Variants in TRAPPC12 observed in about 807,000 individuals in gnomAD.
TRAPPC12 encodes trafficking protein particle complex subunit 12, also known as TPR repeat protein 15.
Under a neutral mutation model 69.2 loss-of-function variants are expected in TRAPPC12, and 61 were observed. The ratio of observed to expected loss-of-function variants is 0.88; its 90% CI spans 0.72 to 1.09. The LOEUF (loss-of-function observed/expected upper bound fraction) is 1.09. Ranked by LOEUF, TRAPPC12 falls within the 50% of genes least tolerant of loss-of-function variation. The probability of loss-of-function intolerance (pLI) is 0.00; values close to 1 mark genes in which losing one functional copy is unlikely to be tolerated. For synonymous variants in TRAPPC12, 469 were observed against 438.9 expected, an observed-to-expected ratio of 1.07 and a Z score of -0.86; for missense variants, 1,101 against 1,016.4, an observed-to-expected ratio of 1.08 and a Z score of -1.13.
chr2:3,417,559 T>C (rs1395655973), intron 3 of TRAPPC12, among the ~76,000 whole-genome samples: 3 of 152,196 alleles, frequency 2.0e-5, no homozygotes, highest in Admixed American at 1.3e-4. Context: ...TGCCCTGGCT[T>C]CTGGGACCTG....
intron 5 of TRAPPC12, among the ~76,000 whole-genome samples, chr2:3,428,889 C>G (rs1159249505): frequency 6.6e-6 from 1 of 152,160 alleles, no homozygotes; most frequent in Non-Finnish European, 1.5e-5. Flanking sequence ...ACCTGGGTGT[C>G]CTCTCTTGAT....
intron 5 of TRAPPC12, among the ~76,000 whole-genome samples, chr2:3,439,927 C>G (rs1487491620): frequency 6.6e-6 from 1 of 151,822 alleles, no homozygotes; most frequent in Non-Finnish European, 1.5e-5. Context: ...GTCCCAGCAC[C>G]ATTTTTGGAA....
chr2:3,386,923 G>A (rs1660520278), intron 1 of TRAPPC12, among the ~76,000 whole-genome samples: 1 of 152,186 alleles, frequency 6.6e-6, no homozygotes, highest in African/African-American at 2.4e-5. Context: ...CTTGTGCACT[G>A]TTGGTGGGAA....
chr2:3,443,588 T>C, intron 5 of TRAPPC12, 191 bp from the exon 6 acceptor site: 1 of 618,204 alleles, frequency 1.6e-6, no homozygotes, highest in Non-Finnish European at 3.0e-6. Flanking sequence ...TGTCGAGACA[T>C]ACATACATAG....
At chr2:3,416,213 T>C (rs933454648) in intron 3 of TRAPPC12, among the ~76,000 whole-genome samples, 3 of 152,182 alleles carry the variant, frequency 2.0e-5, no homozygotes, top group Non-Finnish European at 4.4e-5. Context: ...AGGGAGTGAC[T>C]GGGTGCTTCT....
At chr2:3,436,175 G>A (rs2103082733) in intron 5 of TRAPPC12, among the ~76,000 whole-genome samples, 1 of 152,254 alleles carries the variant, frequency 6.6e-6, no homozygotes, top group Admixed American at 6.5e-5. Context: ...CTTTAATCAA[G>A]TATTAATATT....
intron 10 of TRAPPC12, chr2:3,478,148 G>A (rs910104411): frequency 4.0e-5 from 7 of 173,596 alleles, no homozygotes; most frequent in African/African-American, 1.7e-4. Flanking sequence ...GTGCTCTGGT[G>A]TTCTGTGTCT....
At chr2:3,465,291 G>A (rs554205347) in intron 8 of TRAPPC12, among the ~76,000 whole-genome samples, 1 of 152,158 alleles carries the variant, frequency 6.6e-6, no homozygotes, top group African/African-American at 2.4e-5. Context: ...AATATGAATC[G>A]CTGTTTAGAA....
At chr2:3,384,768 A>G (rs1176770391) in intron 1 of TRAPPC12, among the ~76,000 whole-genome samples, 5 of 152,346 alleles carry the variant, frequency 3.3e-5, no homozygotes, top group Non-Finnish European at 4.4e-5. Flanking sequence ...TATTAGCCTT[A>G]TAAAGTGAAT....
intron 9 of TRAPPC12, among the ~76,000 whole-genome samples, chr2:3,469,278 A>T (rs1665960965): frequency 6.6e-6 from 1 of 152,234 alleles, no homozygotes; most frequent in Non-Finnish European, 1.5e-5. Context: ...AGTTGGTGCC[A>T]CTACGGAAGC....
chr2:3,401,945 G>T (rs751982252), intron 3 of TRAPPC12, 52 bp downstream of exon 3: 1 of 1,185,684 alleles, frequency 8.4e-7, no homozygotes, highest in Non-Finnish European at 1.2e-6. Flanking sequence ...AGTCCTGCCT[G>T]CCTTCATAAT....
intron 9 of TRAPPC12, among the ~76,000 whole-genome samples, chr2:3,475,829 G>A (rs1373662845): frequency 1.3e-5 from 2 of 152,192 alleles, no homozygotes; most frequent in African/African-American, 4.8e-5. Flanking sequence ...CGAAGCTAGC[G>A]ACAGCATCTG....
intron 3 of TRAPPC12, among the ~76,000 whole-genome samples, chr2:3,405,364 C>T (rs555154924): frequency 2.6e-5 from 4 of 152,184 alleles, no homozygotes; most frequent in East Asian, 3.9e-4. Flanking sequence ...TTACACAGTC[C>T]GCACAGCCCA....
chr2:3,392,241 A>G (rs1170373649), intron 2 of TRAPPC12, among the ~76,000 whole-genome samples: 1 of 152,206 alleles, frequency 6.6e-6, no homozygotes, highest in Non-Finnish European at 1.5e-5. Flanking sequence ...ATGAGGAAAC[A>G]GATCCGAATG....
At chr2:3,415,317 G>A (rs1168946336) in intron 3 of TRAPPC12, among the ~76,000 whole-genome samples, 5 of 152,200 alleles carry the variant, frequency 3.3e-5, no homozygotes. Context: ...CCCAACTGCA[G>A]GCTAATGTAA....
chr2:3,443,146 C>T (rs577202944), intron 5 of TRAPPC12, among the ~76,000 whole-genome samples: 17 of 152,250 alleles, frequency 1.1e-4, no homozygotes, highest in Middle Eastern at 3.2e-3. Context: ...TCTTAGCGCA[C>T]GCAAAGCCAG....
At chr2:3,464,759 G>A (rs904151260) in intron 8 of TRAPPC12, among the ~76,000 whole-genome samples, 10 of 152,238 alleles carry the variant, frequency 6.6e-5, no homozygotes, top group African/African-American at 7.2e-5. Flanking sequence ...CACGGAGACC[G>A]CGTTGCTCAC....
chr2:3,393,177 A>G (rs947952027), intron 2 of TRAPPC12, among the ~76,000 whole-genome samples: 4 of 152,228 alleles, frequency 2.6e-5, no homozygotes, highest in Admixed American at 2.0e-4. Flanking sequence ...AGTCCTTAAA[A>G]AACAAGGGGA....
intron 9 of TRAPPC12, among the ~76,000 whole-genome samples, chr2:3,468,361 C>A (rs756071231): frequency 6.6e-6 from 1 of 152,052 alleles, no homozygotes; most frequent in South Asian, 2.1e-4. Flanking sequence ...CAGACCCCGA[C>A]CCTGGTCCAG....
Sources: allele counts gnomAD v4.1 joint callset (sites outside exome capture counted in the v4.1 genomes callset), GRCh38; gene constraint gnomAD v4.1.1; transcripts MANE v1.5; gene names NCBI Gene and HGNC (gene_info 2026-07-23, HGNC 2026-07-21).